Variants in PRKAA1 observed in about 807,000 individuals in gnomAD.
The protein encoded by PRKAA1 is 5'-AMP-activated protein kinase catalytic subunit alpha-1.
Under a neutral mutation model 56.9 loss-of-function variants are expected in PRKAA1, and 23 were observed. The ratio of observed to expected loss-of-function variants is 0.40; its 90% CI spans 0.29 to 0.57. The LOEUF (loss-of-function observed/expected upper bound fraction) is 0.57. Among genes scored for constraint, PRKAA1 ranks in the 20% least tolerant of loss-of-function variants. The pLI is 0.39. For synonymous variants in PRKAA1, 226 were observed against 227.0 expected (o/e 1.00, Z 0.04); for missense variants, 413 against 679.7 (o/e 0.61, Z 4.36).
chr5:40,780,639 G>A (rs1267666078), intron 1 of PRKAA1, among the ~76,000 whole-genome samples: 1 of 152,180 alleles, frequency 6.6e-6, no homozygotes, highest in Non-Finnish European at 1.5e-5. Context: ...GTCTGAGGCT[G>A]AAAGCCCAGG....
intron 1 of PRKAA1, among the ~76,000 whole-genome samples, chr5:40,786,786 CAAAAAAAAAAAAAAAAA>C (rs34749478): frequency 2.3e-5 from 1 of 43,502 alleles, no homozygotes; most frequent in African/African-American, 9.1e-5. Context: ...ACTAAAAATA[CAAAAAAAAAAAAAAAAA>C]AAAAAAAAAG....
chr5:40,767,220 A>C, intron 6 of PRKAA1, among the ~76,000 whole-genome samples: 1 of 152,160 alleles, frequency 6.6e-6, no homozygotes, highest in Non-Finnish European at 1.5e-5. Context: ...TTCACTGTAA[A>C]AATTTCAAAA....
intron 6 of PRKAA1, 60 bp from the exon 7 acceptor site, chr5:40,765,298 A>G: frequency 6.7e-7 from 1 of 1,487,436 alleles, no homozygotes; most frequent in South Asian, 1.3e-5. Flanking sequence ...ACTGAAAGTA[A>G]CAGTTTAGGG....
At position 40,774,820 on chromosome 5, in the gene PRKAA1, G is replaced by C. The variant is rs754909569; in HGVS notation, c.363+590C>G. The C allele has an allele frequency of 2.1e-4, 186 of 873,726 alleles. 1 individual carries two copies. The highest frequency in any genetic ancestry group is 2.5e-4 in the Non-Finnish European group (140 of 555,392). 54.1% of individuals were successfully genotyped at this position (873,726 alleles called of 1,614,324 possible). On this transcript the variant is annotated intron_variant, in intron 3 of 8. Coordinates refer to ENST00000397128, the MANE Select transcript of PRKAA1 (RefSeq NM_006251.6). ...CCACATAACCTGGGTATGAGAAAAA[G>C]TATGGGCAGAGGGCAGTGTTGAGTT...
chr5:40,792,670 T>A (rs1262796846), intron 1 of PRKAA1, among the ~76,000 whole-genome samples: 4 of 152,222 alleles, frequency 2.6e-5, no homozygotes, highest in African/African-American at 7.2e-5. Flanking sequence ...CTCTAGTTCA[T>A]GTTTATAATT....
intron 1 of PRKAA1, among the ~76,000 whole-genome samples, chr5:40,783,330 A>T (rs1449978829): frequency 6.6e-6 from 1 of 150,822 alleles, no homozygotes; most frequent in Non-Finnish European, 1.5e-5. Context: ...ATAAAAAAAA[A>T]TTATATATGC....
At chr5:40,764,407 G>T in intron 8 of PRKAA1, 107 bp downstream of exon 8, 1 of 1,041,124 alleles carries the variant, frequency 9.6e-7, no homozygotes, top group Non-Finnish European at 1.4e-6. Context: ...TTATTCCTTT[G>T]CAGTTGAATT....
chr5:40,798,274 C>T lies in PRKAA1; in HGVS notation c.-85G>A, dbSNP rs956348420. ...GGGTGGGGACGCGGGAGGGCAGCCACCGAGCCGAGTCACCGCCCTGCGCCG... is the reference window on the plus strand; with the variant it reads ...GGGTGGGGACGCGGGAGGGCAGCCATCGAGCCGAGTCACCGCCCTGCGCCG... On this transcript the variant is annotated 5_prime_UTR_variant, in exon 1 of 9. The change creates a new upstream start codon in the 5' untranslated region. Transcript: ENST00000397128. 5.5e-6 allele frequency: 4 copies of T among 729,382 alleles called. No homozygotes were observed. Among genetic ancestry groups the T allele is most frequent in the Non-Finnish European group, 7.7e-6 (4 of 517,656 alleles). The allele number at this position is 729,382 out of a possible 1,614,324, so 45.2% of individuals were successfully genotyped here.
rs1392036618 is a variant in PRKAA1 at position 40,760,423 on chromosome 5, T to G, written c.*2355A>C. 1 of 152,740 alleles carries G rather than the reference T, an allele frequency of 6.5e-6. No homozygotes were observed. The highest frequency in any genetic ancestry group is 2.4e-5 in the African/African-American group (1 of 41,446). The allele number at this position is 152,740 out of a possible 1,614,324, so 9.5% of individuals were successfully genotyped here. A position where few individuals can be genotyped will look rare whatever the true frequency, so the allele number is the denominator to read the frequency against. ...CCTATTTAATTGGTTCCTCCTTTTC[T>G]TCCCCCCTCCCCACAACAGCGTATA... On this transcript the variant is annotated 3_prime_UTR_variant, in exon 9 of 9. Coordinates refer to ENST00000397128, the MANE Select transcript of PRKAA1 (RefSeq NM_006251.6).
chr5:40,762,712 G>C lies in PRKAA1; in HGVS notation c.*66C>G, dbSNP rs540568879. On this transcript the variant is annotated 3_prime_UTR_variant, in exon 9 of 9. Coordinates refer to ENST00000397128, the MANE Select transcript of PRKAA1 (RefSeq NM_006251.6). Reference sequence around the variant, plus strand: ...ATTATGTATAACTTGATTACAAATGGAAGCATTTGGCTGTGACTTATTATG... The same window carrying C: ...ATTATGTATAACTTGATTACAAATGCAAGCATTTGGCTGTGACTTATTATG... The C allele has an allele frequency of 3.2e-6, 5 of 1,572,736 alleles. No homozygotes were observed. Among genetic ancestry groups the C allele is most frequent in the African/African-American group, 1.4e-5 (1 of 73,448 alleles).
chr5:40,764,677 A>G (rs1561165899), intron 7 of PRKAA1, 37 bp from the exon 8 acceptor site: 3 of 1,605,372 alleles, frequency 1.9e-6, no homozygotes, highest in Non-Finnish European at 2.6e-6. Flanking sequence ...GTCAAAAGTA[A>G]TTCTTCTATA....
intron 1 of PRKAA1, among the ~76,000 whole-genome samples, chr5:40,794,189 C>A (rs921934848): frequency 6.6e-6 from 1 of 151,952 alleles, no homozygotes; most frequent in Non-Finnish European, 1.5e-5. Flanking sequence ...GCCATTCTTG[C>A]AGGAGTGAGG....
chr5:40,790,528 T>C (rs1744674013), intron 1 of PRKAA1, among the ~76,000 whole-genome samples: 1 of 151,240 alleles, frequency 6.6e-6, no homozygotes. Flanking sequence ...ACTCTTTCTT[T>C]TTTTTTTTTT....
intron 1 of PRKAA1, among the ~76,000 whole-genome samples, chr5:40,779,588 C>T (rs1424876991): frequency 1.3e-5 from 2 of 152,044 alleles, no homozygotes; most frequent in Non-Finnish European, 1.5e-5. Context: ...TGGATAAACA[C>T]GTATCACTAT....
chr5:40,781,969 G>A (rs1744284127), intron 1 of PRKAA1, among the ~76,000 whole-genome samples: 1 of 152,162 alleles, frequency 6.6e-6, no homozygotes. Flanking sequence ...GCTTCAGGAA[G>A]TATCTTTTTT....
rs10594859 is a variant in PRKAA1, at chr5:40,785,839, C to CAGAGAGAGAGAG, written c.128-8265_128-8254dup. 2.4e-4 allele frequency among the ~76,000 whole-genome samples: 14 copies of CAGAGAGAGAGAG among 58,544 alleles called. No homozygotes were observed. The East Asian group carries it at 5.8e-3, about 24-fold the overall frequency. 38.4% of individuals were successfully genotyped at this position (58,544 alleles called of 152,430 possible). ...AGAGGAGAGCACACACACACACACA[C>CAGAGAGAGAGAG]AGAGAGAGAGAGAGAGAGAGAGAGA... On this transcript the variant is annotated intron_variant, in intron 1 of 8. Coordinates refer to ENST00000397128, the MANE Select transcript of PRKAA1 (RefSeq NM_006251.6).
At chr5:40,774,231 A>G (rs1472742689) in intron 3 of PRKAA1, among the ~76,000 whole-genome samples, 1 of 152,232 alleles carries the variant, frequency 6.6e-6, no homozygotes, top group Non-Finnish European at 1.5e-5. Context: ...AGGGCCATGC[A>G]TCAAAGACAA....
At chr5:40,789,924 G>C (rs913594741) in intron 1 of PRKAA1, among the ~76,000 whole-genome samples, 1 of 152,128 alleles carries the variant, frequency 6.6e-6, no homozygotes, top group African/African-American at 2.4e-5. Flanking sequence ...ATTAAAGATA[G>C]ATTTTCTTTT....
chr5:40,786,517 T>C (rs1040611329), intron 1 of PRKAA1, among the ~76,000 whole-genome samples: 15 of 151,750 alleles, frequency 9.9e-5, no homozygotes, highest in African/African-American at 3.6e-4. Context: ...AGCTGAGGAA[T>C]AGTATAACTG....
Sources: gnomAD v4.1 joint callset for allele counts (sites outside exome capture counted in the v4.1 genomes callset) on GRCh38, gnomAD v4.1.1 for gene constraint, MANE v1.5 for transcripts, NCBI Gene and HGNC (gene_info 2026-07-23, HGNC 2026-07-21) for gene names.